Variants in ADGRB1 observed in about 807,000 individuals in gnomAD.
ADGRB1 encodes adhesion G protein-coupled receptor B1.
In ADGRB1, 36 loss-of-function variants were observed where a neutral mutation model predicts 175.7. The observed-to-expected ratio is 0.20, with a 90% confidence interval of 0.16 to 0.27. ADGRB1 has a LOEUF of 0.27. Ranked by LOEUF, ADGRB1 falls within the 10% of genes least tolerant of loss-of-function variation. The pLI is 1.00. For missense variants in ADGRB1, 1,731 were observed against 2,255.3 expected, an observed-to-expected ratio of 0.77 and a Z score of 4.71; for synonymous variants, 1,054 against 979.4, an observed-to-expected ratio of 1.08 and a Z score of -1.42.
At chr8:142,458,009 C>G (rs1450616688) in intron 1 of ADGRB1, among the ~76,000 whole-genome samples, 4 of 152,184 alleles carry the variant, frequency 2.6e-5, no homozygotes, top group Admixed American at 6.5e-5. Context: ...CGCCCCTCCC[C>G]CCGTGCAGTC....
chr8:142,530,848 C>T (rs1433924376), intron 24 of ADGRB1, among the ~76,000 whole-genome samples: 7 of 152,180 alleles, frequency 4.6e-5, no homozygotes, highest in Non-Finnish European at 1.0e-4. Flanking sequence ...GGAGCAGGCG[C>T]GGTGCAGCTG....
At chr8:142,500,775 G>A (rs1343410663) in intron 17 of ADGRB1, among the ~76,000 whole-genome samples, 2 of 152,140 alleles carry the variant, frequency 1.3e-5, no homozygotes, top group African/African-American at 4.8e-5. Context: ...GGCCCTGAGT[G>A]TCCATTCTCT....
At chr8:142,503,995 C>T (rs1842743952) in intron 17 of ADGRB1, among the ~76,000 whole-genome samples, 1 of 152,154 alleles carries the variant, frequency 6.6e-6, no homozygotes, top group Non-Finnish European at 1.5e-5. Context: ...AGCCCAGGAG[C>T]CAGCCTCATA....
chr8:142,512,182 G>A lies in ADGRB1; in HGVS notation c.2817+1109G>A, dbSNP rs539049208. Among the ~76,000 whole-genome samples, 5 of 152,334 alleles carry A rather than the reference G, an allele frequency of 3.3e-5. No individual in the cohort carries two copies. In the East Asian group the frequency reaches 7.7e-4, roughly 24 times the overall value. ...GACTGAGGCCCAGAGAGAGGGCCTT[G>A]CTCAAGGTCTTGGGTGAGTCTGGGC... On this transcript the variant is annotated intron_variant, in intron 18 of 30. Coordinates refer to ENST00000517894, the MANE Select transcript of ADGRB1 (RefSeq NM_001702.3).
At chr8:142,528,685 G>T (rs1844391241) in intron 24 of ADGRB1, among the ~76,000 whole-genome samples, 1 of 152,052 alleles carries the variant, frequency 6.6e-6, no homozygotes, top group Admixed American at 6.5e-5. Context: ...GCCCACCCTT[G>T]GGGCTCCGCG....
chr8:142,527,064 G>A (rs1162731407), intron 24 of ADGRB1, among the ~76,000 whole-genome samples: 1 of 152,208 alleles, frequency 6.6e-6, no homozygotes, highest in African/African-American at 2.4e-5. Flanking sequence ...TCATCATGGG[G>A]AGGATGGTGC....
intron 17 of ADGRB1, among the ~76,000 whole-genome samples, chr8:142,505,125 T>C (rs376760404): frequency 1.3e-5 from 2 of 152,170 alleles, no homozygotes; most frequent in East Asian, 3.9e-4. Context: ...GTCCCATGAA[T>C]GAGTAGGCCC....
chr8:142,521,121 C>T (rs552834179), intron 20 of ADGRB1, among the ~76,000 whole-genome samples, 196 bp downstream of exon 20: 4 of 152,238 alleles, frequency 2.6e-5, no homozygotes, highest in South Asian at 4.1e-4. Context: ...GCTGGTCAGC[C>T]GGCCAAGAAG....
Position 142,543,097 on chromosome 8 carries a change from C to A in ADGRB1, c.4414-306C>A, listed in dbSNP as rs2132295995. On this transcript the variant is annotated intron_variant, in intron 28 of 30. Coordinates refer to ENST00000517894, the MANE Select transcript of ADGRB1 (RefSeq NM_001702.3). This position sits in a 1 kb window ranked among gnomAD's most constrained non-coding sequence, Gnocchi z 4.4. ...GGCCTCTGGTGATGCTGCCCTGTGT[C>A]CCTGAGTTCTCTGTCGGGGGACCCA... Among the ~76,000 whole-genome samples, 1 of 152,310 alleles carries A rather than the reference C, an allele frequency of 6.6e-6. No homozygotes were observed.
rs572945486 is a variant in ADGRB1, at chr8:142,544,549, G to C, written c.*132G>C. 1 of 1,113,090 alleles carries C rather than the reference G, an allele frequency of 9.0e-7. No homozygotes were observed. Among genetic ancestry groups the C allele is most frequent in the Non-Finnish European group, 1.2e-6 (1 of 842,084 alleles). 69.0% of individuals were successfully genotyped at this position (1,113,090 alleles called of 1,614,324 possible). On this transcript the variant is annotated 3_prime_UTR_variant, in exon 31 of 31. Coordinates refer to ENST00000517894, the MANE Select transcript of ADGRB1 (RefSeq NM_001702.3). Reference sequence around the variant, plus strand: ...CACCCCGGCCTCAGGGCGCTCAGACGGCGGCCAGGCACAGGGCCCGCAGTG... The same window carrying C: ...CACCCCGGCCTCAGGGCGCTCAGACCGCGGCCAGGCACAGGGCCCGCAGTG...
chr8:142,529,968 A>G (rs1048625673), intron 24 of ADGRB1, among the ~76,000 whole-genome samples: 2 of 148,510 alleles, frequency 1.3e-5, no homozygotes, highest in Non-Finnish European at 3.0e-5. Flanking sequence ...CCCAGTGTGC[A>G]TACGTGCAAA....
intron 25 of ADGRB1, among the ~76,000 whole-genome samples, chr8:142,534,219 T>C (rs2132234014): frequency 6.6e-6 from 1 of 152,228 alleles, no homozygotes; most frequent in Non-Finnish European, 1.5e-5. Flanking sequence ...AGCCAGACGG[T>C]GTCAGGAGTG....
rs2132285160 is a variant in ADGRB1, at chr8:142,541,817, G to A, written c.3707-124G>A. The A allele has an allele frequency of 6.6e-6, 7 of 1,060,766 alleles. No homozygotes were observed. The South Asian group carries it at 9.6e-5, about 15-fold the overall frequency. 65.7% of individuals were successfully genotyped at this position (1,060,766 alleles called of 1,614,324 possible). On this transcript the variant is annotated intron_variant, in intron 27 of 30. Coordinates refer to ENST00000517894, the MANE Select transcript of ADGRB1 (RefSeq NM_001702.3). ...CTCCGATCGGTACCCAGCAGGACCT[G>A]GCCAGGGTCTCCCAGGAGGTGGCGG...
At chr8:142,472,320 C>T (rs1450479123) in intron 2 of ADGRB1, among the ~76,000 whole-genome samples, 3 of 152,174 alleles carry the variant, frequency 2.0e-5, no homozygotes, top group Non-Finnish European at 4.4e-5. Flanking sequence ...TGCCTGGGGC[C>T]GTTAATTGGC....
chr8:142,512,065 GT>G (rs1033005631), intron 18 of ADGRB1, among the ~76,000 whole-genome samples: 1 of 152,240 alleles, frequency 6.6e-6, no homozygotes, highest in Non-Finnish European at 1.5e-5. Context: ...TGGGGGGCAG[GT>G]GATGTTGGCA....
intron 2 of ADGRB1, among the ~76,000 whole-genome samples, chr8:142,466,692 A>G (rs1160105696): frequency 6.6e-6 from 1 of 152,112 alleles, no homozygotes; most frequent in African/African-American, 2.4e-5. Context: ...GGCAGGGATG[A>G]GTGTCAGGGG....
At chr8:142,475,957 G>T (rs773008774) in intron 3 of ADGRB1, among the ~76,000 whole-genome samples, 20 of 145,670 alleles carry the variant, frequency 1.4e-4, no homozygotes, top group Non-Finnish European at 2.6e-4. Context: ...CCCGAAGAGG[G>T]TGGTGCTTGG....
intron 23 of ADGRB1, among the ~76,000 whole-genome samples, chr8:142,524,889 C>G (rs945070825): frequency 1.3e-5 from 2 of 152,054 alleles, no homozygotes; most frequent in Admixed American, 6.5e-5. Context: ...GGGGGACCCG[C>G]CTGGGGTCAC....
intron 17 of ADGRB1, among the ~76,000 whole-genome samples, chr8:142,507,131 A>AG (rs1253720388): frequency 6.6e-6 from 1 of 152,202 alleles, no homozygotes; most frequent in Non-Finnish European, 1.5e-5. Flanking sequence ...AGCTGACCTA[A>AG]GGGTTCCTGC....
Sources: allele counts gnomAD v4.1 joint callset (sites outside exome capture counted in the v4.1 genomes callset), GRCh38; gene constraint gnomAD v4.1.1; non-coding constraint Gnocchi (gnomAD v3.1); transcripts MANE v1.5; gene names NCBI Gene and HGNC (gene_info 2026-07-23, HGNC 2026-07-21).